HCN1: variants seen among roughly 807,000 people sequenced by gnomAD.
HCN1 encodes hyperpolarization activated cyclic nucleotide gated potassium channel 1.
In HCN1, 13 loss-of-function variants were observed where a neutral mutation model predicts 78.9. The observed-to-expected ratio is 0.16, with a 90% CI of 0.11 to 0.26. The LOEUF (loss-of-function observed/expected upper bound fraction) is 0.26. HCN1 is among the 10% of genes least tolerant of loss of function. The probability of loss-of-function intolerance (pLI) is 1.00; values close to 1 mark genes in which losing one functional copy is unlikely to be tolerated. For missense variants in HCN1, 810 were observed against 1,154.3 expected (o/e 0.70, Z 4.32); for synonymous variants, 552 against 455.5 (o/e 1.21, Z -2.70).
chr5:45,634,773 AAAATATGTTTT>A (rs1343391913), intron 2 of HCN1, among the ~76,000 whole-genome samples: 4 of 152,062 alleles, frequency 2.6e-5, no homozygotes, highest in African/African-American at 9.6e-5. Flanking sequence ...TAAAAATGAG[AAAATATGTTTT>A]AATTGTACCA....
intron 5 of HCN1, among the ~76,000 whole-genome samples, chr5:45,309,637 CT>C (rs1745811806): frequency 6.6e-6 from 1 of 152,000 alleles, no homozygotes; most frequent in Non-Finnish European, 1.5e-5. Context: ...GAGGTTTTGT[CT>C]TTAGTTCTGT....
chr5:45,273,857 G>A (rs1193619813), intron 6 of HCN1, among the ~76,000 whole-genome samples: 1 of 151,966 alleles, frequency 6.6e-6, no homozygotes, highest in Non-Finnish European at 1.5e-5. Context: ...GTAAAACACT[G>A]CCTCTGTATG....
At chr5:45,571,773 G>A (rs887968036) in intron 2 of HCN1, among the ~76,000 whole-genome samples, 2 of 152,046 alleles carry the variant, frequency 1.3e-5, no homozygotes, top group African/African-American at 2.4e-5. Flanking sequence ...AATTAGCCAG[G>A]CATGGTGGCA....
At chr5:45,585,662 A>C (rs1744200961) in intron 2 of HCN1, among the ~76,000 whole-genome samples, 1 of 151,742 alleles carries the variant, frequency 6.6e-6, no homozygotes, top group Non-Finnish European at 1.5e-5. Context: ...GGTTTTATCT[A>C]CCTGTGGTCT....
chr5:45,356,805 A>C (rs1747014758), intron 4 of HCN1, among the ~76,000 whole-genome samples: 1 of 152,050 alleles, frequency 6.6e-6, no homozygotes, highest in Non-Finnish European at 1.5e-5. Flanking sequence ...GTTACAATGT[A>C]AAGGTAGATT....
At chr5:45,375,495 T>A (rs193120885) in intron 4 of HCN1, among the ~76,000 whole-genome samples, 1 of 53,866 alleles carries the variant, frequency 1.9e-5, no homozygotes, top group Non-Finnish European at 3.0e-5. Context: ...TGATACATAT[T>A]ATATATAAGA....
intron 3 of HCN1, among the ~76,000 whole-genome samples, chr5:45,453,362 TGAG>T (rs1159384366): frequency 6.6e-6 from 1 of 152,096 alleles, no homozygotes; most frequent in Non-Finnish European, 1.5e-5. Flanking sequence ...CGTAAATATA[TGAG>T]GAGTTCAGAA....
At chr5:45,509,557 T>C (rs1742369976) in intron 2 of HCN1, among the ~76,000 whole-genome samples, 1 of 152,106 alleles carries the variant, frequency 6.6e-6, no homozygotes, top group African/African-American at 2.4e-5. Context: ...CAGTGGGCCA[T>C]GTGTGATTCC....
At chr5:45,470,528 C>A (rs545419300) in intron 2 of HCN1, among the ~76,000 whole-genome samples, 9 of 151,910 alleles carry the variant, frequency 5.9e-5, no homozygotes, top group Non-Finnish European at 1.0e-4. Flanking sequence ...TAGTTGGACA[C>A]CTTCCAGAAG....
intron 3 of HCN1, among the ~76,000 whole-genome samples, chr5:45,426,437 G>A (rs1359791256): frequency 6.6e-6 from 1 of 152,184 alleles, no homozygotes; most frequent in Non-Finnish European, 1.5e-5. Flanking sequence ...GGACCTGGTG[G>A]AGGTAATTGA....
At chr5:45,448,455 C>T (rs1293328115) in intron 3 of HCN1, among the ~76,000 whole-genome samples, 1 of 152,194 alleles carries the variant, frequency 6.6e-6, no homozygotes, top group Non-Finnish European at 1.5e-5. Context: ...TTATTCACTT[C>T]CTGGTCCTTG....
chr5:45,286,236 T>TAA (rs953416025), intron 6 of HCN1, among the ~76,000 whole-genome samples: 2 of 151,948 alleles, frequency 1.3e-5, no homozygotes, highest in African/African-American at 4.8e-5. Context: ...TTAGAAATTA[T>TAA]AAGTGCAAAC....
Position 45,423,228 on chromosome 5 carries a change from C to T in HCN1, c.1012-26518G>A, listed in dbSNP as rs561024281. Reference sequence around the variant, plus strand: ...AAAAATACTTATTGTTACCTTCTAGCTTATTTTACATTACTGAGGTGTTAA... The same window carrying T: ...AAAAATACTTATTGTTACCTTCTAGTTTATTTTACATTACTGAGGTGTTAA... On this transcript the variant is annotated intron_variant, in intron 3 of 7. Transcript: ENST00000303230. 3.8e-4 allele frequency among the ~76,000 whole-genome samples: 58 copies of T among 152,218 alleles called. 1 individual carries two copies. Among genetic ancestry groups the T allele is most frequent in the Non-Finnish European group, 5.9e-4 (40 of 67,994 alleles).
At chr5:45,308,060 G>T (rs1027343550) in intron 5 of HCN1, among the ~76,000 whole-genome samples, 1 of 152,074 alleles carries the variant, frequency 6.6e-6, no homozygotes, top group African/African-American at 2.4e-5. Flanking sequence ...GAATGATTTG[G>T]TGCTGTCCTT....
intron 2 of HCN1, among the ~76,000 whole-genome samples, chr5:45,581,697 A>C (rs1744077057): frequency 6.6e-6 from 1 of 152,184 alleles, no homozygotes; most frequent in South Asian, 2.1e-4. Flanking sequence ...TAATTTTTGT[A>C]TAAGGTGTAA....
Position 45,343,553 on chromosome 5 carries a change from G to T in HCN1, c.1377+9547C>A, listed in dbSNP as rs185049999. Among the ~76,000 whole-genome samples the T allele has an allele frequency of 1.9e-3, 283 of 152,186 alleles. 1 individual carries two copies. Among genetic ancestry groups the T allele is most frequent in the African/African-American group, 6.6e-3 (274 of 41,534 alleles). ...CACAGAAAGAAAAGCTGCAAAATAG[G>T]GCTAAAGTTTTACATTCCAAATAAC... is the stretch of plus-strand genomic sequence containing the variant. On this transcript the variant is annotated intron_variant, in intron 5 of 7. Transcript: ENST00000303230.
intron 4 of HCN1, among the ~76,000 whole-genome samples, chr5:45,383,263 T>C (rs1747844765): frequency 6.6e-6 from 1 of 152,224 alleles, no homozygotes; most frequent in East Asian, 1.9e-4. Flanking sequence ...TAATTTGTTA[T>C]AGATTACTAA....
intron 1 of HCN1, among the ~76,000 whole-genome samples, chr5:45,675,500 C>G (rs1007684945): frequency 6.6e-6 from 1 of 151,766 alleles, no homozygotes; most frequent in Admixed American, 6.6e-5. Flanking sequence ...TACACACAGG[C>G]ATGCTGAACT....
intron 5 of HCN1, among the ~76,000 whole-genome samples, chr5:45,333,125 T>G (rs1446011912): frequency 1.3e-5 from 2 of 151,776 alleles, no homozygotes; most frequent in Non-Finnish European, 2.9e-5. Flanking sequence ...AAGGGTTCCC[T>G]TTTCTCCACA....
Sources: allele counts gnomAD v4.1 joint callset (sites outside exome capture counted in the v4.1 genomes callset), GRCh38; gene constraint gnomAD v4.1.1; transcripts MANE v1.5; gene names NCBI Gene and HGNC (gene_info 2026-07-23, HGNC 2026-07-21).